RBFOX1: variants seen among roughly 807,000 people sequenced by gnomAD.
RBFOX1 encodes RNA binding protein fox-1 homolog 1.
RBFOX1 carries 8 observed loss-of-function variants against 57.7 expected under a neutral mutation model. That is an observed-to-expected ratio of 0.14 (90% confidence interval 0.08 to 0.25). RBFOX1 has a LOEUF of 0.25. Among genes scored for constraint, RBFOX1 ranks in the 10% least tolerant of loss-of-function variants. The pLI is 1.00. For synonymous variants in RBFOX1, 326 were observed against 222.4 expected, an observed-to-expected ratio of 1.47 and a Z score of -4.15; for missense variants, 611 against 548.5, an observed-to-expected ratio of 1.11 and a Z score of -1.14.
chr16:5,614,119 C>CTGTCTTAG lies in RBFOX1; in HGVS notation c.318+15159_318+15166dup, dbSNP rs549916858. Among the ~76,000 whole-genome samples the CTGTCTTAG allele has an allele frequency of 1.4e-4, 22 of 152,264 alleles. No homozygotes were observed. The East Asian group carries it at 4.1e-3, about 28-fold the overall frequency. On this transcript the variant is annotated intron_variant, in intron 3 of 19. Coordinates refer to the RBFOX1 transcript ENST00000641259. ...GAATGATGCCCACCTGGTCTCAATTCTGTCTTAGACTCCCTCTAGGTTGGG... is the reference window on the plus strand; with the variant it reads ...GAATGATGCCCACCTGGTCTCAATTCTGTCTTAGTGTCTTAGACTCCCTCTAGGTTGGG...
intron 4 of RBFOX1, among the ~76,000 whole-genome samples, chr16:7,392,201 C>G (rs530102504): frequency 1.3e-5 from 2 of 152,156 alleles, no homozygotes; most frequent in Non-Finnish European, 2.9e-5. Context: ...CATTTTCAGA[C>G]CTCTGCCTAC....
chr16:5,674,529 A>T lies in RBFOX1; in HGVS notation c.318+75568A>T, dbSNP rs527786379. 3.3e-5 allele frequency among the ~76,000 whole-genome samples: 5 copies of T among 152,348 alleles called. No homozygotes were observed. In the South Asian group the frequency reaches 1.0e-3, roughly 32 times the overall value. ...TCAGAAAGTCTTGACAAAGGAACTT[A>T]CAGAGCAAAGGTAGACAGAAGGCTT... On this transcript the variant is annotated intron_variant, in intron 3 of 19. Transcript: ENST00000641259.
intron 3 of RBFOX1, among the ~76,000 whole-genome samples, chr16:6,710,956 G>A (rs933212957): frequency 2.6e-5 from 4 of 152,320 alleles, no homozygotes; most frequent in East Asian, 1.9e-4. Flanking sequence ...TACATGTAAC[G>A]GGAGTGCAAT....
intron 1 of RBFOX1, among the ~76,000 whole-genome samples, chr16:6,082,693 C>T (rs891273745): frequency 3.3e-5 from 5 of 152,018 alleles, no homozygotes; most frequent in African/African-American, 1.2e-4. Context: ...GAATGATTCC[C>T]AAGGAAGGGA....
intron 4 of RBFOX1, among the ~76,000 whole-genome samples, chr16:7,280,989 C>G (rs7499756): frequency 1.8e-5 from 1 of 54,392 alleles, no homozygotes; most frequent in Non-Finnish European, 3.3e-5. Context: ...CCCTCCCTCC[C>G]TCCTTCCTTC....
chr16:7,028,411 A>C (rs982451163), intron 3 of RBFOX1, among the ~76,000 whole-genome samples: 16 of 151,930 alleles, frequency 1.1e-4, no homozygotes, highest in Non-Finnish European at 1.2e-4. Context: ...TGCATGGAGG[A>C]AACCTGTCTC....
chr16:6,063,606 C>T (rs1446375459), intron 1 of RBFOX1, among the ~76,000 whole-genome samples: 2 of 152,102 alleles, frequency 1.3e-5, no homozygotes, highest in African/African-American at 4.8e-5. Context: ...CACTGCAGCT[C>T]TCAAGACGAT....
chr16:7,392,352 C>T (rs1045924011), intron 4 of RBFOX1, among the ~76,000 whole-genome samples: 1 of 152,114 alleles, frequency 6.6e-6, no homozygotes, highest in African/African-American at 2.4e-5. Context: ...TGCATTTGGA[C>T]AATGGCCTGT....
chr16:5,879,944 C>A (rs941581717), intron 4 of RBFOX1, among the ~76,000 whole-genome samples: 3 of 152,174 alleles, frequency 2.0e-5, no homozygotes, highest in Admixed American at 2.0e-4. Context: ...AGTCCGCCAG[C>A]TAGAACGTAT....
intron 3 of RBFOX1, among the ~76,000 whole-genome samples, chr16:6,995,849 A>G (rs1031169480): frequency 5.3e-5 from 8 of 152,330 alleles, no homozygotes; most frequent in Admixed American, 1.3e-4. Flanking sequence ...CAGATTTTAT[A>G]ACTCAACAGA....
intron 1 of RBFOX1, among the ~76,000 whole-genome samples, chr16:5,430,327 G>A: frequency 6.6e-6 from 1 of 152,200 alleles, no homozygotes; most frequent in East Asian, 1.9e-4. Flanking sequence ...GAGTTAGCTG[G>A]GAACAGGCCA....
chr16:7,221,265 A>G (rs916182078), intron 4 of RBFOX1, among the ~76,000 whole-genome samples: 1 of 152,198 alleles, frequency 6.6e-6, no homozygotes, highest in Admixed American at 6.5e-5. Flanking sequence ...AGCCACAAGG[A>G]GGGTCTCAGA....
chr16:7,136,497 C>T (rs75285367), intron 4 of RBFOX1, among the ~76,000 whole-genome samples: 5,671 of 150,072 alleles, frequency 0.038, 375 homozygotes, highest in African/African-American at 0.13. Context: ...GCCTTAAACT[C>T]CTGGGCTAAA....
At chr16:6,375,271 T>C (rs765220494) in intron 2 of RBFOX1, among the ~76,000 whole-genome samples, 1 of 151,436 alleles carries the variant, frequency 6.6e-6, no homozygotes, top group Non-Finnish European at 1.5e-5. Context: ...TATTGGCCCT[T>C]GTTTTGCCAG....
At chr16:6,341,023 T>C (rs1472340694) in intron 2 of RBFOX1, among the ~76,000 whole-genome samples, 1 of 152,102 alleles carries the variant, frequency 6.6e-6, no homozygotes, top group Non-Finnish European at 1.5e-5. Flanking sequence ...GTGTCCACTG[T>C]CTCTAGGGTC....
Position 6,859,127 on chromosome 16 carries a change from ATACATATATATACGTATATATATATG to A in RBFOX1, c.-15-192927_-15-192902del, listed in dbSNP as rs1230961392. 8.1e-4 allele frequency among the ~76,000 whole-genome samples: 55 copies of A among 67,886 alleles called. 2 individuals carry two copies. Among genetic ancestry groups the A allele is most frequent in the African/African-American group, 5.4e-3 (53 of 9,768 alleles). The allele number at this position is 67,886 out of a possible 152,430, so 44.5% of individuals were successfully genotyped here. The stretch of plus-strand genomic sequence containing the variant: ...AAAAAAAGTGTATATATATATATAT[ATACATATATATACGTATATATATATG>A]TATATATATACGTATATATATGTAT... On this transcript the variant is annotated intron_variant, in intron 3 of 15. Transcript: ENST00000550418.
intron 4 of RBFOX1, among the ~76,000 whole-genome samples, chr16:7,198,003 T>TTCTTTTTTTC (rs1217490019): frequency 8.1e-6 from 1 of 123,316 alleles, no homozygotes; most frequent in African/African-American, 3.2e-5. Context: ...TCTTTCTTTT[T>TTCTTTTTTTC]TTTTTTTTTT....
Position 6,871,337 on chromosome 16 carries a change from C to T in RBFOX1, c.-15-180720C>T, listed in dbSNP as rs531909052. ...AGTAGCTGGGATTACAGGCATGTGC[C>T]ATCACGCCTGGCTAATTTTTGTATT... On this transcript the variant is annotated intron_variant, in intron 3 of 15. Coordinates refer to ENST00000550418, the MANE Select transcript of RBFOX1 (RefSeq NM_018723.4). 1.8e-3 allele frequency among the ~76,000 whole-genome samples: 278 copies of T among 152,216 alleles called. 1 individual carries two copies. Among genetic ancestry groups the T allele is most frequent in the African/African-American group, 6.5e-3 (269 of 41,524 alleles).
intron 4 of RBFOX1, among the ~76,000 whole-genome samples, chr16:7,058,016 A>AAC (rs1185124665): frequency 6.6e-6 from 1 of 151,460 alleles, no homozygotes; most frequent in Non-Finnish European, 1.5e-5. Context: ...GAAAAAAAAA[A>AAC]AAAAAACACG....
Sources: gnomAD v4.1 joint callset for allele counts (sites outside exome capture counted in the v4.1 genomes callset) on GRCh38, gnomAD v4.1.1 for gene constraint, MANE v1.5 for transcripts, NCBI Gene and HGNC (gene_info 2026-07-23, HGNC 2026-07-21) for gene names.